NDUFAF7: variants seen among roughly 807,000 people sequenced by gnomAD.
NDUFAF7 encodes NADH:ubiquinone oxidoreductase complex assembly factor 7.
Under a neutral mutation model 47.2 loss-of-function variants are expected in NDUFAF7, and 48 were observed. That is an observed-to-expected ratio of 1.02 (90% CI 0.81 to 1.29). The LOEUF (loss-of-function observed/expected upper bound fraction) is 1.29, where lower values mean the gene tolerates loss of function less well. Ranked by LOEUF, NDUFAF7 falls within the 50% of genes most tolerant of loss-of-function variation. The pLI is 0.00. For missense variants in NDUFAF7, 635 were observed against 537.6 expected (o/e 1.18, Z -1.79); for synonymous variants, 217 against 190.0 (o/e 1.14, Z -1.17).
the NDUFAF7 span, chr2:37,268,508 G>A: frequency 2.8e-6 from 1 of 351,034 alleles, no homozygotes; most frequent in Middle Eastern, 7.5e-4. Context: ...CTCCAATAAA[G>A]TTCAGTGGGA....
Position 37,231,704 on chromosome 2 carries a change from G to A in NDUFAF7, c.-2G>A, listed in dbSNP as rs761416363. The A allele has an allele frequency of 6.2e-7, 1 of 1,614,254 alleles. No individual in the cohort carries two copies. The highest frequency in any genetic ancestry group is 2.2e-5 in the East Asian group (1 of 44,884). On this transcript the variant is annotated 5_prime_UTR_variant, in exon 1 of 10. Transcript: ENST00000002125. ...GGAGCGAGCTAGCCTGCGAATTTCA[G>A]CATGAGTGTACTGCTGAGGTCAGGT...
Position 37,248,485 on chromosome 2 carries a change from A to G in NDUFAF7, c.*135A>G. The G allele has an allele frequency of 1.1e-6, 1 of 869,724 alleles. No homozygotes were observed. Among genetic ancestry groups the G allele is most frequent in the Non-Finnish European group, 1.9e-6 (1 of 534,092 alleles). 53.9% of individuals were successfully genotyped at this position (869,724 alleles called of 1,614,324 possible). ...GCAAGAACAGTCCATGTTGTATATA[A>G]TACAACCAACATTATAGAACTTTTA... On this transcript the variant is annotated 3_prime_UTR_variant, in exon 10 of 10. Coordinates refer to ENST00000002125, the MANE Select transcript of NDUFAF7 (RefSeq NM_144736.5).
At position 37,241,589 on chromosome 2, in the gene NDUFAF7, A is replaced by C. The variant is rs749318045; in HGVS notation, c.420A>C (p.Gln140His). ...LVGDILRVFT[Q>H]LGSVLKNCDI... ...CTTTTGGTATTTAGGTGTTCACTCA[A>C]CTTGGATCTGTGCTGAAAAATTGTG... Residue 140 changes from glutamine (Q) to histidine (H), a missense_variant, in exon 5 of 10, where the codon CAA becomes CAC. By Grantham distance (24) the Gln-to-His change is conservative. Transcript: ENST00000002125. 1.3e-5 allele frequency: 21 copies of C among 1,613,472 alleles called. No homozygotes were observed. The highest frequency in any genetic ancestry group is 6.6e-5 in the South Asian group (6 of 90,954).
intron 1 of NDUFAF7, 31 bp from the exon 2 acceptor site, chr2:37,232,075 A>G (rs766524728): frequency 6.2e-7 from 1 of 1,614,186 alleles, no homozygotes; most frequent in Non-Finnish European, 8.5e-7. Context: ...CAGATTTATC[A>G]TGGGGTCTGT....
At chr2:37,251,989 T>C (rs568011400), downstream of NDUFAF7, 116 of 152,298 alleles carry the variant, frequency 7.6e-4, no homozygotes, top group African/African-American at 2.6e-3. Context: ...TTTAAAAATA[T>C]TTTTTAAATA....
Position 37,245,662 on chromosome 2 carries a change from G to A in NDUFAF7, c.793-390G>A, listed in dbSNP as rs190651738. Among the ~76,000 whole-genome samples the A allele has an allele frequency of 8.6e-5, 12 of 138,788 alleles. 1 individual carries two copies. Among genetic ancestry groups the A allele is most frequent in the Admixed American group, 3.0e-4 (4 of 13,242 alleles). 91.1% of individuals were successfully genotyped at this position (138,788 alleles called of 152,430 possible). A position where few individuals can be genotyped will look rare whatever the true frequency, so the allele number is the denominator to read the frequency against. On this transcript the variant is annotated intron_variant, in intron 7 of 9. Transcript: ENST00000002125. ...GCACAATATTTTCATTGACTGTTAT[G>A]TGCCTGGCACTGTTCTAGGCAGACA...
At chr2:37,240,514 T>C (rs931601735) in intron 4 of NDUFAF7, among the ~76,000 whole-genome samples, 5 of 151,870 alleles carry the variant, frequency 3.3e-5, no homozygotes, top group Admixed American at 6.5e-5. Context: ...ATATATAAAA[T>C]ATATAAACAT....
chr2:37,240,631 A>G (rs1440724412), intron 4 of NDUFAF7, among the ~76,000 whole-genome samples: 1 of 152,176 alleles, frequency 6.6e-6, no homozygotes, highest in Non-Finnish European at 1.5e-5. Context: ...ATTTGAATAT[A>G]AAATATTTAA....
At position 37,248,193 on chromosome 2, in the gene NDUFAF7, A is replaced by G. The variant is rs1245009279; in HGVS notation, c.1169A>G (p.Asp390Gly). The change falls in exon 10 of 10, where the codon GAT becomes GGT. Residue 390 changes from aspartate (D) to glycine (G), a missense_variant. Asp to Gly is a moderately conservative substitution (Grantham distance 94). Coordinates refer to ENST00000002125, the MANE Select transcript of NDUFAF7 (RefSeq NM_144736.5). ...SVRQQLLQGY[D>G]MLMNPKKMGE... ...AGGCAGCAGTTACTTCAAGGATATG[A>G]TATGTTAATGAATCCAAAGAAGATG... 6.2e-7 allele frequency: 1 copy of G among 1,614,088 alleles called. No homozygotes were observed. The highest frequency in any genetic ancestry group is 1.3e-5 in the African/African-American group (1 of 75,052).
At chr2:37,235,948 A>G (rs879404502) in intron 2 of NDUFAF7, 148 bp from the exon 3 acceptor site, 11 of 686,802 alleles carry the variant, frequency 1.6e-5, no homozygotes, top group Non-Finnish European at 2.8e-5. Flanking sequence ...ATGAGCCACC[A>G]CACCTGGCTC....
intron 4 of NDUFAF7, among the ~76,000 whole-genome samples, chr2:37,238,594 TAA>T (rs879565237): frequency 6.9e-6 from 1 of 144,230 alleles, no homozygotes; most frequent in African/African-American, 2.5e-5. Flanking sequence ...CTTTTTATAT[TAA>T]AAAAAAAAAA....
At chr2:37,232,391 T>A (rs1392442165) in intron 2 of NDUFAF7, 125 bp downstream of exon 2, 2 of 1,232,776 alleles carry the variant, frequency 1.6e-6, no homozygotes, top group Non-Finnish European at 2.4e-6. Context: ...AAGAGCCATT[T>A]CTGAGGACCT....
At chr2:37,236,051 T>A in intron 2 of NDUFAF7, 45 bp from the exon 3 acceptor site, 1 of 1,456,588 alleles carries the variant, frequency 6.9e-7, no homozygotes, top group Non-Finnish European at 9.6e-7. Flanking sequence ...TTAAAAGGCT[T>A]ATTTGAAAAT....
At chr2:37,234,878 C>T (rs1665593269) in intron 2 of NDUFAF7, among the ~76,000 whole-genome samples, 2 of 152,150 alleles carry the variant, frequency 1.3e-5, no homozygotes, top group Admixed American at 1.3e-4. Flanking sequence ...TATTTTATAA[C>T]ATTCTTTAAT....
chr2:37,237,278 C>T (rs1173780251), intron 3 of NDUFAF7, among the ~76,000 whole-genome samples: 1 of 152,172 alleles, frequency 6.6e-6, no homozygotes, highest in Non-Finnish European at 1.5e-5. Context: ...CCAAGTCTTC[C>T]TTTAATAAAC....
In NDUFAF7 at chr2:37,237,694, A is replaced by G. The variant is rs562816030; in HGVS notation, c.298-63A>G. ...AGTGCATATTTATGTGAAATTTTAT[A>G]TTGTGGTATACTTTTATACTTTATA... On this transcript the variant is annotated intron_variant, in intron 3 of 9. Coordinates refer to ENST00000002125, the MANE Select transcript of NDUFAF7 (RefSeq NM_144736.5). 98 of 1,257,350 alleles carry G rather than the reference A, an allele frequency of 7.8e-5. 1 individual carries two copies. The East Asian group carries it at 2.2e-3, about 28-fold the overall frequency. 77.9% of individuals were successfully genotyped at this position (1,257,350 alleles called of 1,614,324 possible).
chr2:37,237,385 GTTA>G (rs1487170456), intron 3 of NDUFAF7, among the ~76,000 whole-genome samples: 1 of 152,364 alleles, frequency 6.6e-6, no homozygotes, highest in Admixed American at 6.5e-5. Flanking sequence ...AAAAACATTA[GTTA>G]TTATAAGAAT....
At chr2:37,267,327 TA>T in the NDUFAF7 span, 1 of 741,932 alleles carries the variant, frequency 1.3e-6, no homozygotes, top group Non-Finnish European at 2.1e-6. Flanking sequence ...TATATTACCA[TA>T]ATCTAATTTT....
At chr2:37,257,060 GA>G (rs1668011063), downstream of NDUFAF7, 1 of 1,025,610 alleles carries the variant, frequency 9.8e-7, no homozygotes, top group South Asian at 1.6e-5. Flanking sequence ...ATTAATCACA[GA>G]TAAGGAAATT....
Sources: allele counts gnomAD v4.1 joint callset (sites outside exome capture counted in the v4.1 genomes callset), GRCh38; gene constraint gnomAD v4.1.1; transcripts MANE v1.5; gene names NCBI Gene and HGNC (gene_info 2026-07-23, HGNC 2026-07-21).